The following LLGL2 variants were observed in gnomAD, a reference collection of about 807,000 sequenced individuals.
LLGL2 encodes LLGL scribble cell polarity complex component 2.
A neutral mutation model predicts 123.2 loss-of-function variants in LLGL2; 81 were observed. The ratio of observed to expected loss-of-function variants is 0.66; its 90% CI spans 0.55 to 0.79. LLGL2 has a LOEUF of 0.79. Ranked by LOEUF, LLGL2 falls within the 30% of genes least tolerant of loss-of-function variation. The probability of loss-of-function intolerance (pLI) is 0.00; values close to 1 mark genes in which losing one functional copy is unlikely to be tolerated. For missense variants in LLGL2, 1,273 were observed against 1,414.6 expected, an observed-to-expected ratio of 0.90 and a Z score of 1.61; for synonymous variants, 577 against 594.1, an observed-to-expected ratio of 0.97 and a Z score of 0.42.
intron 16 of LLGL2, 147 bp from the exon 17 acceptor site, chr17:75,570,803 T>C (rs2055670442): frequency 9.0e-7 from 1 of 1,116,912 alleles, no homozygotes. Flanking sequence ...ACCTCCCTCT[T>C]GGACAAGGGT....
In LLGL2 at chr17:75,558,726, C is replaced by A; in HGVS notation, c.371+99C>A. On this transcript the variant is annotated intron_variant, in intron 5 of 25. Coordinates refer to ENST00000392550, the MANE Select transcript of LLGL2 (RefSeq NM_001031803.2). The surrounding 1 kb of genome is among the most constrained non-coding windows in gnomAD (Gnocchi z 4.0). ...ACCCTTTGTGAGGCCTGTTGCGCCCCTGGCAGTGACTGGCATGCGTTTGGC... is the reference window on the plus strand; with the variant it reads ...ACCCTTTGTGAGGCCTGTTGCGCCCATGGCAGTGACTGGCATGCGTTTGGC... The A allele has an allele frequency of 1.1e-6, 1 of 881,608 alleles. No individual in the cohort carries two copies. 54.6% of individuals were successfully genotyped at this position (881,608 alleles called of 1,614,324 possible). A position where few individuals can be genotyped will look rare whatever the true frequency, so the allele number is the denominator to read the frequency against.
intron 2 of LLGL2, among the ~76,000 whole-genome samples, chr17:75,545,278 G>A (rs574594505): frequency 7.7e-4 from 117 of 152,238 alleles, no homozygotes; most frequent in Non-Finnish European, 1.4e-3. Flanking sequence ...AGGCTCCTGG[G>A]TCTCCTGCTC....
intron 1 of LLGL2, among the ~76,000 whole-genome samples, chr17:75,534,179 G>T (rs1227192910): frequency 6.6e-6 from 1 of 152,276 alleles, no homozygotes; most frequent in Non-Finnish European, 1.5e-5. Context: ...TCTGGTGTTG[G>T]ATTATGAAAG....
In LLGL2 at chr17:75,571,710, C is replaced by A; in HGVS notation, c.2220C>A (p.Gly740=). The part of the protein sequence containing the change: ...CPSLWAGTNG[G]TIYAFSLRVP... ...CGCTGTGGGCTGGCACCAATGGGGG[C>A]ACCATCTATGCCTTCTCCCTGCGTG... The change falls in exon 18 of 26, where the codon GGC becomes GGA. Residue 740 remains glycine (G), a synonymous_variant. Transcript: ENST00000392550. 6.2e-7 allele frequency: 1 copy of A among 1,609,696 alleles called. No homozygotes were observed. Among genetic ancestry groups the A allele is most frequent in the South Asian group, 1.1e-5 (1 of 91,076 alleles).
In LLGL2 at chr17:75,556,104, G is replaced by A. The variant is rs1671036; in HGVS notation, c.134G>A (p.Arg45His). 850,235 of 1,609,404 alleles carry A rather than the reference G, an allele frequency of 0.53. 232,210 individuals are homozygous for A. Among genetic ancestry groups the A allele is most frequent in the South Asian group, 0.62 (56,697 of 91,060 alleles). Reference protein sequence around the residue: ...PSALGYSPSLRILAIGTRSGA... With the variant: ...PSALGYSPSLHILAIGTRSGA... ...GCCCTCGGCTACAGCCCGTCCCTGC[G>A]CATCCTGGCCATCGGCACCCGTTCT... The change falls in exon 3 of 26, where the codon CGC becomes CAC. Residue 45 changes from arginine (R) to histidine (H), a missense_variant. By Grantham distance (29) the Arg-to-His change is conservative. Coordinates refer to ENST00000392550, the MANE Select transcript of LLGL2 (RefSeq NM_001031803.2).
intron 14 of LLGL2, among the ~76,000 whole-genome samples, chr17:75,569,530 C>T (rs2055598172): frequency 6.6e-6 from 1 of 152,162 alleles, no homozygotes; most frequent in Admixed American, 6.5e-5. Context: ...GGGCCGGGCA[C>T]GGTGGCTCAT....
chr17:75,531,901 A>G (rs1289938338), intron 1 of LLGL2, among the ~76,000 whole-genome samples: 1 of 152,090 alleles, frequency 6.6e-6, no homozygotes, highest in African/African-American at 2.4e-5. Context: ...CGTGGGGACG[A>G]GGAGGCTGCA....
intron 3 of LLGL2, chr17:75,557,932 T>A (rs2054990061): frequency 3.2e-6 from 2 of 620,746 alleles, no homozygotes; most frequent in Non-Finnish European, 5.9e-6. Context: ...CCGGCCTGAC[T>A]GGGAAAAATC....
chr17:75,574,978 C>G lies in LLGL2; in HGVS notation c.*100C>G. ...GAGAGGCCGGTGCACAGGGCCCCGC[C>G]AGGGGCTGGGGGCATCCCGGCTTCC... is the stretch of plus-strand genomic sequence containing the variant. On this transcript the variant is annotated 3_prime_UTR_variant, in exon 26 of 26. Transcript: ENST00000392550. 6.4e-7 allele frequency: 1 copy of G among 1,553,908 alleles called. No individual in the cohort carries two copies. The highest frequency in any genetic ancestry group is 1.1e-5 in the South Asian group (1 of 89,922).
chr17:75,543,242 C>T (rs1477885886), intron 1 of LLGL2, 155 bp from the exon 2 acceptor site: 6 of 457,532 alleles, frequency 1.3e-5, no homozygotes, highest in Admixed American at 3.8e-5. Flanking sequence ...CGTGGGGAAG[C>T]CAGGGTGCAT....
rs1223156201 is a variant in LLGL2 at position 75,559,223 on chromosome 17, C to T, written c.372-29C>T. The T allele has an allele frequency of 1.3e-6, 2 of 1,559,024 alleles. No individual in the cohort carries two copies. Among genetic ancestry groups the T allele is most frequent in the African/African-American group, 1.4e-5 (1 of 73,056 alleles). ...GGCATCTCCCCTGCTGGGCAGTGGT[C>T]GGCTCACGGGCAGCTGTTCTTGTCA... On this transcript the variant is annotated intron_variant, in intron 5 of 25. Transcript: ENST00000392550. This position sits in a 1 kb window ranked among gnomAD's most constrained non-coding sequence, Gnocchi z 4.6.
At position 75,573,031 on chromosome 17, in the gene LLGL2, G is replaced by A. The variant is rs893421946; in HGVS notation, c.2478G>A (p.Lys826=). The change falls in exon 20 of 26, where the codon AAG becomes AAA. Residue 826 remains lysine, a synonymous_variant. Coordinates refer to ENST00000392550, the MANE Select transcript of LLGL2 (RefSeq NM_001031803.2). ...GCCCCCAGGTGTTCACGCTGCCCAA[G>A]GTGAGTGCCAAGCTGAAGTTGAAGC... ...EEQFKVFTLP[K]VSAKLKLKLT... 6.2e-7 allele frequency: 1 copy of A among 1,609,452 alleles called. No individual in the cohort carries two copies. Among genetic ancestry groups the A allele is most frequent in the Admixed American group, 1.7e-5 (1 of 59,914 alleles).
In LLGL2 at chr17:75,571,694, C is replaced by T. The variant is rs1251339056; in HGVS notation, c.2204C>T (p.Ala735Val). 3 of 1,609,344 alleles carry T rather than the reference C, an allele frequency of 1.9e-6. No individual in the cohort carries two copies. The highest frequency in any genetic ancestry group is 2.2e-5 in the East Asian group (1 of 44,894). The change falls in exon 18 of 26, where the codon GCT (alanine) becomes GTT (valine). Residue 735 changes from alanine (A) to valine (V), a missense_variant. Physicochemically the swap from Ala to Val is moderately conservative, Grantham distance 64. Coordinates refer to ENST00000392550, the MANE Select transcript of LLGL2 (RefSeq NM_001031803.2). ...TCCCGGCACTGCCCCTCGCTGTGGG[C>T]TGGCACCAATGGGGGCACCATCTAT... is the stretch of plus-strand genomic sequence containing the variant. ...DSSRHCPSLW[A>V]GTNGGTIYAF...
In LLGL2 at chr17:75,563,340, A is replaced by G. The variant is rs1369665906; in HGVS notation, c.703A>G (p.Asn235Asp). The G allele has an allele frequency of 6.2e-7, 1 of 1,612,586 alleles. No individual in the cohort carries two copies. The highest frequency in any genetic ancestry group is 2.2e-5 in the East Asian group (1 of 44,900). Residue 235 changes from asparagine to aspartate, a missense_variant, in exon 8 of 26, where the codon AAC becomes GAC. Physicochemically the swap from Asn to Asp is conservative, Grantham distance 23 (BLOSUM62 1). Transcript: ENST00000392550. ...YHFLSSQQLE[N>D]IWWQRDGRLL... ...TCCTCTTCCTCCATAGCAACTGGAG[A>G]ACATCTGGTGGCAGCGGGACGGCCG...
In LLGL2 at chr17:75,573,164, G is replaced by A. The variant is rs1318290549; in HGVS notation, c.2611G>A (p.Gly871Ser). The A allele has an allele frequency of 2.5e-6, 4 of 1,612,972 alleles. No individual in the cohort carries two copies. The highest frequency in any genetic ancestry group is 3.4e-6 in the Non-Finnish European group (4 of 1,179,978). Residue 871 changes from glycine to serine, a missense_variant, in exon 20 of 26, where the codon GGC becomes AGC. Transcript: ENST00000392550. ...EHHLAVLTNL[G>S]DIQVVSLPLL... Reference sequence around the variant, plus strand: ...CCACCTGGCAGTCCTTACCAACCTGGGCGACATCCAGGTGGTCTCGCTGCC... The same window carrying A: ...CCACCTGGCAGTCCTTACCAACCTGAGCGACATCCAGGTGGTCTCGCTGCC...
rs201366813 is a variant in LLGL2 at position 75,543,450 on chromosome 17, G to C, written c.24G>C (p.Gly8=). ...AAATGAGGCGGTTCCTGAGGCCAGG[G>C]CATGACCCTGTGCGGGAGAGGCTCA... The part of the protein sequence containing the change: MRRFLRP[G]HDPVRERLKR... The change falls in exon 2 of 26, where the codon GGG becomes GGC. Residue 8 remains glycine (G), a synonymous_variant. Transcript: ENST00000392550. The C allele has an allele frequency of 3.1e-6, 5 of 1,611,618 alleles. No homozygotes were observed. The highest frequency in any genetic ancestry group is 4.2e-6 in the Non-Finnish European group (5 of 1,178,584).
Position 75,573,136 on chromosome 17 carries a change from G to A in LLGL2, c.2583G>A (p.Glu861=), listed in dbSNP as rs2055802905. 6.2e-6 allele frequency: 10 copies of A among 1,613,060 alleles called. No individual in the cohort carries two copies. The East Asian group carries it at 2.0e-4, about 32-fold the overall frequency. Reference sequence around the variant, plus strand: ...GTCGTCGAGCCGAGGACTACGGGGAGCACCACCTGGCAGTCCTTACCAACC... The same window carrying A: ...GTCGTCGAGCCGAGGACTACGGGGAACACCACCTGGCAGTCCTTACCAACC... The part of the protein sequence containing the change: ...FGSRRAEDYG[E]HHLAVLTNLG... Residue 861 remains glutamate (E), a synonymous_variant, in exon 20 of 26, where the codon GAG becomes GAA. Transcript: ENST00000392550.
chr17:75,525,701 C>G lies in LLGL2; in HGVS notation c.-155C>G, dbSNP rs1240568150. ...CGGCTCCGCCCCAGGCTCGCCGCGC[C>G]GGAGGTGAGCAGGAAGGAGACGGCC... On this transcript the variant is annotated 5_prime_UTR_variant, in exon 1 of 26. Coordinates refer to ENST00000392550, the MANE Select transcript of LLGL2 (RefSeq NM_001031803.2). The surrounding 1 kb of genome is among the most constrained non-coding windows in gnomAD (Gnocchi z 4.8). The G allele has an allele frequency of 6.6e-6, 1 of 150,684 alleles. No homozygotes were observed. Among genetic ancestry groups the G allele is most frequent in the African/African-American group, 2.4e-5 (1 of 41,276 alleles). 9.3% of individuals were successfully genotyped at this position (150,684 alleles called of 1,614,324 possible).
Position 75,563,661 on chromosome 17 carries a change from T to A in LLGL2, c.827-91T>A, listed in dbSNP as rs2055323190. 1.4e-5 allele frequency: 21 copies of A among 1,521,182 alleles called. No individual in the cohort carries two copies. In the Middle Eastern group the frequency reaches 5.1e-4, roughly 37 times the overall value. 94.2% of individuals were successfully genotyped at this position (1,521,182 alleles called of 1,614,324 possible). ...CCCAAGCACAGGTCTACCATGTGGATGTGGCATGAGCTAGAGGGATCTGTG... is the reference window on the plus strand; with the variant it reads ...CCCAAGCACAGGTCTACCATGTGGAAGTGGCATGAGCTAGAGGGATCTGTG... On this transcript the variant is annotated intron_variant, in intron 8 of 25. Transcript: ENST00000392550.
Sources: gnomAD v4.1 joint callset for allele counts (sites outside exome capture counted in the v4.1 genomes callset) on GRCh38, gnomAD v4.1.1 for gene constraint, Gnocchi (gnomAD v3.1) non-coding constraint, MANE v1.5 for transcripts, NCBI Gene and HGNC (gene_info 2026-07-23, HGNC 2026-07-21) for gene names.